The following AIRE variants were observed in gnomAD, a reference collection of about 807,000 sequenced individuals.
The protein encoded by AIRE is autoimmune regulator.
Under a neutral mutation model 62.1 loss-of-function variants are expected in AIRE, and 52 were observed. The ratio of observed to expected loss-of-function variants is 0.84; its 90% confidence interval spans 0.67 to 1.06. The LOEUF (loss-of-function observed/expected upper bound fraction) is 1.06. Among genes scored for constraint, AIRE ranks in the 50% least tolerant of loss-of-function variants. The probability of loss-of-function intolerance (pLI) is 0.00; values close to 1 mark genes in which losing one functional copy is unlikely to be tolerated. For synonymous variants in AIRE, 342 were observed against 321.6 expected, an observed-to-expected ratio of 1.06 and a Z score of -0.68; for missense variants, 774 against 755.8, an observed-to-expected ratio of 1.02 and a Z score of -0.28.
intron 8 of AIRE, among the ~76,000 whole-genome samples, chr21:44,292,043 C>T (rs1434600682): frequency 2.0e-5 from 3 of 152,210 alleles, no homozygotes; most frequent in African/African-American, 4.8e-5. Flanking sequence ...CCAGGGCTCG[C>T]AGGTGTTGGG....
rs751460610 is a variant in AIRE at position 44,287,081 on chromosome 21, G to A, written c.411G>A (p.Glu137=). 1.9e-6 allele frequency: 3 copies of A among 1,612,284 alleles called. No homozygotes were observed. The highest frequency in any genetic ancestry group is 2.7e-5 in the African/African-American group (2 of 74,918). ...CCACCAAGAGGAAGGCCTCAGAAGAGGCTCGAGCTGCCGCGCCAGCAGCCC... is the reference window on the plus strand; with the variant it reads ...CCACCAAGAGGAAGGCCTCAGAAGAAGCTCGAGCTGCCGCGCCAGCAGCCC... The part of the protein sequence containing the change: ...RLPTKRKASE[E]ARAAAPAALT... Residue 137 remains glutamate, a synonymous_variant, in exon 3 of 14, where the codon GAG becomes GAA. Transcript: ENST00000291582. This position sits in a 1 kb window ranked among gnomAD's most constrained non-coding sequence, Gnocchi z 4.3.
intron 10 of AIRE, 96 bp downstream of exon 10, chr21:44,293,271 G>C (rs2040563238): frequency 1.5e-6 from 2 of 1,328,048 alleles, no homozygotes; most frequent in Admixed American, 2.7e-5. Context: ...GGGAGGCCAG[G>C]CGAGAAAGGC....
Position 44,293,856 on chromosome 21 carries a change from G to A in AIRE, c.1346G>A (p.Cys449Tyr). ...ACGGACGTGCTGCGGTGTACTCACT[G>A]CGCCGCTGCCTTCCACTGGCGCTGC... ...DGTDVLRCTH[C>Y]AAAFHWRCHF... is the part of the protein sequence containing the mutation. Residue 449 changes from cysteine (C) to tyrosine (Y), a missense_variant, in exon 11 of 14, where the codon TGC becomes TAC. Cys to Tyr is a radical substitution (Grantham distance 194, BLOSUM62 -2). Transcript: ENST00000291582. 6.3e-7 allele frequency: 1 copy of A among 1,596,874 alleles called. No homozygotes were observed.
chr21:44,288,596 G>A, intron 5 of AIRE, 138 bp downstream of exon 5: 1 of 663,956 alleles, frequency 1.5e-6, no homozygotes, highest in Non-Finnish European at 2.6e-6. Context: ...TCTGCCTGTG[G>A]TTCTGCTGAC....
intron 8 of AIRE, among the ~76,000 whole-genome samples, chr21:44,291,919 T>C (rs1444449043): frequency 6.6e-6 from 1 of 152,140 alleles, no homozygotes; most frequent in African/African-American, 2.4e-5. Context: ...CTCCTTGCCG[T>C]CTCTTTCTGC....
In AIRE at chr21:44,287,364, A is replaced by C. The variant is rs1490908544; in HGVS notation, c.464-153A>C. 2.8e-6 allele frequency: 2 copies of C among 720,876 alleles called. No individual in the cohort carries two copies. Among genetic ancestry groups the C allele is most frequent in the Non-Finnish European group, 4.7e-6 (2 of 426,078 alleles). The allele number at this position is 720,876 out of a possible 1,614,324, so 44.7% of individuals were successfully genotyped here. Reference sequence around the variant, plus strand: ...CTGGTGAAGTAGGCGGGCGGGTCTCATTTCCCTTTTACTGATGAGAAACCA... The same window carrying C: ...CTGGTGAAGTAGGCGGGCGGGTCTCCTTTCCCTTTTACTGATGAGAAACCA... On this transcript the variant is annotated intron_variant, in intron 3 of 13. Coordinates refer to ENST00000291582, the MANE Select transcript of AIRE (RefSeq NM_000383.4). The surrounding 1 kb of genome is among the most constrained non-coding windows in gnomAD (Gnocchi z 4.3).
At chr21:44,296,620 A>AC (rs1181540522) in intron 13 of AIRE, among the ~76,000 whole-genome samples, 175 bp downstream of exon 13, 1 of 139,072 alleles carries the variant, frequency 7.2e-6, no homozygotes, top group Non-Finnish European at 1.6e-5. Context: ...AGCACCTGGC[A>AC]CCCCCCACAG....
At position 44,286,763 on chromosome 21, in the gene AIRE, G is replaced by T. The variant is rs775793072; in HGVS notation, c.307+32G>T. 17 of 1,609,738 alleles carry T rather than the reference G, an allele frequency of 1.1e-5. No homozygotes were observed. The Admixed American group carries it at 1.8e-4, about 17-fold the overall frequency. On this transcript the variant is annotated intron_variant, in intron 2 of 13. Coordinates refer to ENST00000291582, the MANE Select transcript of AIRE (RefSeq NM_000383.4). The surrounding 1 kb of genome is among the most constrained non-coding windows in gnomAD (Gnocchi z 6.0). ...CCTGGTGGACTCAGCCATGCTGGGG[G>T]CCTGGGGCAGCTGCTGTCACCTGCT...
chr21:44,290,952 C>T, intron 7 of AIRE, 143 bp from the exon 8 acceptor site: 1 of 1,612,470 alleles, frequency 6.2e-7, no homozygotes, highest in Non-Finnish European at 8.5e-7. Context: ...ATTTCAGGCC[C>T]TGGCAGCATG....
At chr21:44,292,959 C>T (rs761712386) in intron 9 of AIRE, 34 bp from the exon 10 acceptor site, 88 of 1,604,150 alleles carry the variant, frequency 5.5e-5, no homozygotes, top group Middle Eastern at 1.8e-4. Flanking sequence ...GGCAGGCGCC[C>T]GCTGCCCCTC....
chr21:44,286,869 C>A lies in AIRE; in HGVS notation c.308-109C>A. 1 of 1,573,034 alleles carries A rather than the reference C, an allele frequency of 6.4e-7. No homozygotes were observed. Among genetic ancestry groups the A allele is most frequent in the Non-Finnish European group, 8.7e-7 (1 of 1,148,062 alleles). On this transcript the variant is annotated intron_variant, in intron 2 of 13. Transcript: ENST00000291582. This position sits in a 1 kb window ranked among gnomAD's most constrained non-coding sequence, Gnocchi z 6.0. ...CAGGACCGTCTTGGATCCTAAGAGG[C>A]AAAGGGGCCAGGCCTCACCTGTCTG...
Position 44,293,812 on chromosome 21 carries a change from C to G in AIRE, c.1302C>G (p.Cys434Trp), listed in dbSNP as rs370969296. The G allele has an allele frequency of 6.3e-7, 1 of 1,596,656 alleles. No individual in the cohort carries two copies. Among genetic ancestry groups the G allele is most frequent in the Non-Finnish European group, 8.5e-7 (1 of 1,179,532 alleles). ...GQQNLAPGAR[C>W]GVCGDGTDVL... ...AGAACCTGGCTCCTGGTGCGCGTTG[C>G]GGGGTGTGCGGAGATGGTACGGACG... Residue 434 changes from cysteine (C) to tryptophan (W), a missense_variant, in exon 11 of 14, where the codon TGC becomes TGG. By Grantham distance (215) the Cys-to-Trp change is radical. Coordinates refer to ENST00000291582, the MANE Select transcript of AIRE (RefSeq NM_000383.4).
chr21:44,294,017 ACCCCACAC>A, intron 11 of AIRE, 107 bp downstream of exon 11: 1 of 1,263,210 alleles, frequency 7.9e-7, no homozygotes, highest in South Asian at 1.3e-5. Context: ...CCCCACCCAC[ACCCCACAC>A]TCCCACCCAC....
rs2040489651 is a variant in AIRE, at chr21:44,287,077, A to G, written c.407A>G (p.Glu136Gly). 6.2e-7 allele frequency: 1 copy of G among 1,612,318 alleles called. No homozygotes were observed. Among genetic ancestry groups the G allele is most frequent in the South Asian group, 1.1e-5 (1 of 91,066 alleles). The stretch of plus-strand genomic sequence containing the variant: ...CTCCCCACCAAGAGGAAGGCCTCAG[A>G]AGAGGCTCGAGCTGCCGCGCCAGCA... Reference protein sequence around the residue: ...PRLPTKRKASEEARAAAPAAL... With the variant: ...PRLPTKRKASGEARAAAPAAL... Residue 136 changes from glutamate to glycine, a missense_variant, in exon 3 of 14, where the codon GAA becomes GGA. Glu to Gly is a moderately conservative substitution (Grantham distance 98). Around this residue, in one of 3 missense-constraint regions of AIRE, gnomAD observed 385 missense variants for 396.0 expected, o/e 0.97. Transcript: ENST00000291582. This position sits in a 1 kb window ranked among gnomAD's most constrained non-coding sequence, Gnocchi z 4.3.
intron 11 of AIRE, 32 bp from the exon 12 acceptor site, chr21:44,294,369 C>A (rs777485890): frequency 6.3e-5 from 93 of 1,481,012 alleles, no homozygotes; most frequent in Middle Eastern, 2.0e-4. Flanking sequence ...TGCTCCCCCC[C>A]AGGGCTGGCA....
At position 44,293,072 on chromosome 21, in the gene AIRE, T is replaced by C. The variant is rs554132699; in HGVS notation, c.1175T>C (p.Leu392Pro). The C allele has an allele frequency of 9.9e-6, 16 of 1,612,364 alleles. No homozygotes were observed. In the Admixed American group the frequency reaches 2.3e-4, roughly 24 times the overall value. ...CCCCTAGCCGGCATGGACACGACTC[T>C]TGTCTACAAGCACCTGCCGGCTCCG... ...GEPLAGMDTT[L>P]VYKHLPAPPS... Residue 392 changes from leucine to proline, a missense_variant, in exon 10 of 14, where the codon CTT (leucine) becomes CCT (proline). Coordinates refer to ENST00000291582, the MANE Select transcript of AIRE (RefSeq NM_000383.4).
At chr21:44,288,578 C>G (rs2040504818) in intron 5 of AIRE, 120 bp downstream of exon 5, 1 of 724,104 alleles carries the variant, frequency 1.4e-6, no homozygotes, top group Non-Finnish European at 2.3e-6. Context: ...GCTCAGGTAG[C>G]CAGAGTTTCT....
chr21:44,285,900 GGC>G lies in AIRE; in HGVS notation c.-103_-102del. 1 of 1,140,620 alleles carries G rather than the reference GGC, an allele frequency of 8.8e-7. No homozygotes were observed. Among genetic ancestry groups the G allele is most frequent in the Non-Finnish European group, 1.2e-6 (1 of 859,352 alleles). The allele number at this position is 1,140,620 out of a possible 1,614,324, so 70.7% of individuals were successfully genotyped here. A position where few individuals can be genotyped will look rare whatever the true frequency, so the allele number is the denominator to read the frequency against. Reference sequence around the variant, plus strand: ...CGGGGAGACGGGCGGGCGCACAGCCGGCGCGGAGGCCCCACAGCCCCGCCGGG... The same window carrying G: ...CGGGGAGACGGGCGGGCGCACAGCCGGCGGAGGCCCCACAGCCCCGCCGGG... On this transcript the variant is annotated 5_prime_UTR_variant, in exon 1 of 14. Coordinates refer to ENST00000291582, the MANE Select transcript of AIRE (RefSeq NM_000383.4).
intron 5 of AIRE, 170 bp from the exon 6 acceptor site, chr21:44,289,487 T>C: frequency 1.2e-6 from 1 of 829,568 alleles, no homozygotes; most frequent in East Asian, 2.7e-5. Context: ...CTGGTGTAGA[T>C]CCAGGACAAT....
Sources: allele counts gnomAD v4.1 joint callset (sites outside exome capture counted in the v4.1 genomes callset), GRCh38; gene constraint gnomAD v4.1.1; regional missense constraint gnomAD v4.1.1; non-coding constraint Gnocchi (gnomAD v3.1); transcripts MANE v1.5; gene names NCBI Gene and HGNC (gene_info 2026-07-23, HGNC 2026-07-21).